MYH11: variants seen among roughly 807,000 people sequenced by gnomAD.
MYH11 encodes myosin-11.
A neutral mutation model predicts 246.6 loss-of-function variants in MYH11; 80 were observed. The observed-to-expected ratio is 0.32, with a 90% confidence interval of 0.27 to 0.39. The LOEUF (loss-of-function observed/expected upper bound fraction) is 0.39. Ranked by LOEUF, MYH11 falls within the 10% of genes least tolerant of loss-of-function variation. The pLI is 1.00. For missense variants in MYH11, 2,158 were observed against 2,546.8 expected (o/e 0.85, Z 3.29); for synonymous variants, 1,071 against 1,015.5 (o/e 1.05, Z -1.04).
intron 6 of MYH11, among the ~76,000 whole-genome samples, chr16:15,781,088 T>C (rs1828405851): frequency 6.6e-6 from 1 of 152,118 alleles, no homozygotes; most frequent in African/African-American, 2.4e-5. Context: ...TTTATTTTTG[T>C]AGAGATGGGG....
intron 1 of MYH11, among the ~76,000 whole-genome samples, chr16:15,839,366 G>A (rs531961190): frequency 2.6e-5 from 4 of 152,226 alleles, no homozygotes; most frequent in African/African-American, 9.6e-5. Flanking sequence ...AAACTATTAG[G>A]CTGGTGCAAA....
Position 15,724,810 on chromosome 16 carries a change from G to T in MYH11, c.3964-11C>A, listed in dbSNP as rs886051747. The stretch of plus-strand genomic sequence containing the variant: ...TTCTTGAAGCAGCTCCTGCAAAAGG[G>T]ATGCAAAGAGGTCCCAGGGACCTGC... On this transcript the variant is annotated splice_polypyrimidine_tract_variant and intron_variant, in intron 29 of 40. Coordinates refer to ENST00000300036, the MANE Select transcript of MYH11 (RefSeq NM_002474.3). The T allele has an allele frequency of 6.2e-7, 1 of 1,613,758 alleles. No individual in the cohort carries two copies. The highest frequency in any genetic ancestry group is 8.5e-7 in the Non-Finnish European group (1 of 1,180,022).
intron 27 of MYH11, among the ~76,000 whole-genome samples, chr16:15,727,791 A>G (rs1421997088): frequency 6.6e-6 from 1 of 151,962 alleles, no homozygotes; most frequent in Non-Finnish European, 1.5e-5. Context: ...TGGGCAATGT[A>G]GTGAGACCCC....
At chr16:15,704,254 C>A (rs1019546046) in intron 40 of MYH11, 131 bp from the exon 41 acceptor site, 15 of 973,306 alleles carry the variant, frequency 1.5e-5, no homozygotes, top group Non-Finnish European at 2.3e-5. Context: ...GCAGAAAACA[C>A]ACACGGCACA....
At chr16:15,715,362 T>C in intron 38 of MYH11, 90 bp from the exon 39 acceptor site, 1 of 1,198,432 alleles carries the variant, frequency 8.3e-7, no homozygotes, top group South Asian at 1.2e-5. Flanking sequence ...CTTGAGTGCT[T>C]TCCTGAGCCC....
At chr16:15,780,272 G>GC (rs35421666) in intron 6 of MYH11, among the ~76,000 whole-genome samples, 28,360 of 147,784 alleles carry the variant, frequency 0.19, 2,788 homozygotes, top group East Asian at 0.3. Context: ...GTCACATGTT[G>GC]GGGGGGGGCC....
chr16:15,750,111 CCCCAGGGTCTGGGCGGCGGGCCT>C lies in MYH11; in HGVS notation c.2058+4_2058+26del. 6.2e-7 allele frequency: 1 copy of C among 1,613,524 alleles called. No homozygotes were observed. The highest frequency in any genetic ancestry group is 8.5e-7 in the Non-Finnish European group (1 of 1,179,656). On this transcript the variant is annotated splice_donor_5th_base_variant and intron_variant, in intron 16 of 40. Transcript: ENST00000300036. This position sits in a 1 kb window ranked among gnomAD's most constrained non-coding sequence, Gnocchi z 4.3. ...TTGGGACAGCCCTGGCTTCTGGGAG[CCCCAGGGTCTGGGCGGCGGGCCT>C]CACCCTCTTCTCGTGGTTGGGGATG... is the stretch of plus-strand genomic sequence containing the variant.
At chr16:15,814,818 C>T (rs998835777) in intron 3 of MYH11, among the ~76,000 whole-genome samples, 8 of 152,200 alleles carry the variant, frequency 5.3e-5, no homozygotes, top group African/African-American at 1.9e-4. Flanking sequence ...CCTTCTCACA[C>T]CCCACAGAAG....
chr16:15,735,889 T>C, intron 25 of MYH11, among the ~76,000 whole-genome samples: 1 of 152,216 alleles, frequency 6.6e-6, no homozygotes, highest in East Asian at 1.9e-4. Context: ...CTGGTCACAG[T>C]AGGGACTGTG....
In MYH11 at chr16:15,795,020, TG is replaced by T. The variant is rs1340717249; in HGVS notation, c.530+3639del. Among the ~76,000 whole-genome samples, 8 of 152,264 alleles carry T rather than the reference TG, an allele frequency of 5.3e-5. No homozygotes were observed. The East Asian group carries it at 1.5e-3, about 29-fold the overall frequency. ...TGTGGGGAGAATCAGAACTGCAGGATGGGCTGGGCGAAGTGGCTCATGCCTG... is the reference window on the plus strand; with the variant it reads ...TGTGGGGAGAATCAGAACTGCAGGATGGCTGGGCGAAGTGGCTCATGCCTG... On this transcript the variant is annotated intron_variant, in intron 4 of 40. Transcript: ENST00000300036.
At chr16:15,847,179 T>G (rs2044212071) in intron 1 of MYH11, among the ~76,000 whole-genome samples, 1 of 151,794 alleles carries the variant, frequency 6.6e-6, no homozygotes, top group Non-Finnish European at 1.5e-5. Context: ...TGGTAGCCAA[T>G]TACATCCCAA....
chr16:15,817,151 T>A (rs2043281750), intron 3 of MYH11, among the ~76,000 whole-genome samples: 1 of 152,050 alleles, frequency 6.6e-6, no homozygotes, highest in South Asian at 2.1e-4. Context: ...TGCACAAGGG[T>A]TGAAGGGAGA....
In MYH11 at chr16:15,740,242, G is replaced by T. The variant is rs542582775; in HGVS notation, c.2860-54C>A. The T allele has an allele frequency of 2.5e-6, 4 of 1,612,208 alleles. No homozygotes were observed. In the African/African-American group the frequency reaches 4.0e-5, roughly 16 times the overall value. ...CTTTGGTTATAACAGATTTACTCTCGTGGTGATCTGGGGACTAATGAATAC... is the reference window on the plus strand; with the variant it reads ...CTTTGGTTATAACAGATTTACTCTCTTGGTGATCTGGGGACTAATGAATAC... On this transcript the variant is annotated intron_variant, in intron 22 of 40. Transcript: ENST00000300036.
chr16:15,704,236 T>C, intron 40 of MYH11, 113 bp from the exon 41 acceptor site: 8 of 1,292,794 alleles, frequency 6.2e-6, no homozygotes, highest in Non-Finnish European at 8.6e-6. Context: ...ATATAAATTT[T>C]TTTTATGGCA....
intron 3 of MYH11, among the ~76,000 whole-genome samples, chr16:15,820,822 TTA>T (rs1233714123): frequency 5.9e-5 from 9 of 152,222 alleles, no homozygotes; most frequent in African/African-American, 2.2e-4. Flanking sequence ...AATAAAATTC[TTA>T]TTACATGTAA....
chr16:15,713,782 C>T (rs796657521), intron 40 of MYH11: 3 of 152,348 alleles, frequency 2.0e-5, no homozygotes, highest in East Asian at 3.9e-4. Context: ...CCGTGCCCAG[C>T]CAAGCTTGAG....
chr16:15,813,714 C>T (rs974486624), intron 3 of MYH11, among the ~76,000 whole-genome samples: 3 of 151,808 alleles, frequency 2.0e-5, no homozygotes, highest in Non-Finnish European at 4.4e-5. Flanking sequence ...CCAGTTTAGC[C>T]GGGCATGGTG....
intron 6 of MYH11, among the ~76,000 whole-genome samples, chr16:15,780,273 G>A (rs533933775): frequency 7.0e-5 from 7 of 100,478 alleles, no homozygotes; most frequent in African/African-American, 9.9e-5. Flanking sequence ...TCACATGTTG[G>A]GGGGGGGCCG....
intron 3 of MYH11, among the ~76,000 whole-genome samples, chr16:15,802,216 C>T (rs2042904531): frequency 6.6e-6 from 1 of 152,210 alleles, no homozygotes; most frequent in Admixed American, 6.5e-5. Context: ...ATCCCACTAA[C>T]AGCTCCGATC....
Sources: gnomAD v4.1 joint callset for allele counts (sites outside exome capture counted in the v4.1 genomes callset) on GRCh38, gnomAD v4.1.1 for gene constraint, Gnocchi (gnomAD v3.1) non-coding constraint, MANE v1.5 for transcripts, NCBI Gene and HGNC (gene_info 2026-07-23, HGNC 2026-07-21) for gene names.